ERBB4: variants seen among roughly 807,000 people sequenced by gnomAD.
ERBB4 encodes the protein receptor tyrosine-protein kinase erbB-4.
Under a neutral mutation model 158.0 loss-of-function variants are expected in ERBB4, and 42 were observed. That is an observed-to-expected ratio of 0.27 (90% CI 0.21 to 0.34). The LOEUF is 0.34. ERBB4 is among the 10% of genes least tolerant of loss of function. ERBB4 has a pLI of 1.00. For missense variants in ERBB4, 1,333 were observed against 1,624.1 expected (o/e 0.82, Z 3.08); for synonymous variants, 583 against 558.7 (o/e 1.04, Z -0.61).
At chr2:212,493,569 C>T (rs1358544451) in intron 1 of ERBB4, among the ~76,000 whole-genome samples, 1 of 151,642 alleles carries the variant, frequency 6.6e-6, no homozygotes, top group African/African-American at 2.4e-5. Context: ...ACTTCGCAGA[C>T]ACATAGTTCA....
At chr2:212,116,157 C>T (rs2079564955) in intron 2 of ERBB4, among the ~76,000 whole-genome samples, 1 of 151,428 alleles carries the variant, frequency 6.6e-6, no homozygotes, top group Non-Finnish European at 1.5e-5. Flanking sequence ...AAAGCGGTTG[C>T]TAATTTACAT....
At chr2:212,255,562 T>A (rs1313070905) in intron 1 of ERBB4, among the ~76,000 whole-genome samples, 1 of 152,180 alleles carries the variant, frequency 6.6e-6, no homozygotes, top group Non-Finnish European at 1.5e-5. Context: ...TGCTTGGGGC[T>A]GGAAGTACTT....
intron 1 of ERBB4, among the ~76,000 whole-genome samples, chr2:212,319,882 A>G (rs1574671914): frequency 6.7e-6 from 1 of 150,324 alleles, no homozygotes; most frequent in East Asian, 2.0e-4. Context: ...TATCAAGATA[A>G]CTTCATGTCG....
chr2:211,386,758 C>G, intron 27 of ERBB4, 95 bp downstream of exon 27: 1 of 1,224,218 alleles, frequency 8.2e-7, no homozygotes, highest in South Asian at 1.2e-5. Context: ...AAATGTTGTG[C>G]TGGTCAGCTA....
At chr2:212,451,864 T>G (rs1361691653) in intron 1 of ERBB4, among the ~76,000 whole-genome samples, 1 of 152,174 alleles carries the variant, frequency 6.6e-6, no homozygotes, top group Non-Finnish European at 1.5e-5. Flanking sequence ...TATTCATATC[T>G]ACAAAGCCAG....
chr2:212,378,892 G>T lies in ERBB4; in HGVS notation c.82+159557C>A, dbSNP rs143778220. On this transcript the variant is annotated intron_variant, in intron 1 of 27. Transcript: ENST00000342788. ...TACTAATAAACTATTTAAAACTGAT[G>T]ATTTTAGTTCCATTAAAATGCAGAA... Among the ~76,000 whole-genome samples the T allele has an allele frequency of 1.8e-3, 269 of 151,794 alleles. 2 individuals are homozygous for T. Among genetic ancestry groups the T allele is most frequent in the African/African-American group, 6.1e-3 (253 of 41,476 alleles).
intron 1 of ERBB4, among the ~76,000 whole-genome samples, chr2:212,386,109 T>C (rs534063781): frequency 8.6e-4 from 130 of 151,940 alleles, no homozygotes; most frequent in African/African-American, 3.1e-3. Flanking sequence ...TCTGTCATCC[T>C]TTACCACTTG....
chr2:212,435,866 T>C (rs530167427), intron 1 of ERBB4, among the ~76,000 whole-genome samples: 64 of 151,990 alleles, frequency 4.2e-4, no homozygotes, highest in Non-Finnish European at 8.0e-4. Flanking sequence ...ACTATGTAAA[T>C]TGACTTAGCA....
At chr2:211,516,159 G>A (rs1034925646) in intron 20 of ERBB4, among the ~76,000 whole-genome samples, 5 of 150,758 alleles carry the variant, frequency 3.3e-5, no homozygotes, top group Non-Finnish European at 5.9e-5. Flanking sequence ...CTCGTGATCC[G>A]CCCGCCTCGG....
At chr2:211,919,573 T>C (rs2079801558) in intron 3 of ERBB4, among the ~76,000 whole-genome samples, 1 of 152,040 alleles carries the variant, frequency 6.6e-6, no homozygotes, top group Non-Finnish European at 1.5e-5. Context: ...CATCAGGTCT[T>C]ATGGTATTTA....
At chr2:212,279,223 T>C (rs2085661115) in intron 1 of ERBB4, among the ~76,000 whole-genome samples, 1 of 151,522 alleles carries the variant, frequency 6.6e-6, no homozygotes, top group African/African-American at 2.4e-5. Context: ...CTAGAACTTT[T>C]GCAGAATAAA....
rs187119332 is a variant in ERBB4 at position 212,241,350 on chromosome 2, A to G, written c.83-116447T>C. Among the ~76,000 whole-genome samples, 7 of 152,324 alleles carry G rather than the reference A, an allele frequency of 4.6e-5. No homozygotes were observed. The East Asian group carries it at 1.3e-3, about 29-fold the overall frequency. On this transcript the variant is annotated intron_variant, in intron 1 of 27. Coordinates refer to ENST00000342788, the MANE Select transcript of ERBB4 (RefSeq NM_005235.3). ...GGAAATGGATTCAAATCTTTATACT[A>G]CATCTTTATATAACATCTATATATA... is the stretch of plus-strand genomic sequence containing the variant.
chr2:211,431,557 G>A (rs927487279), intron 20 of ERBB4, among the ~76,000 whole-genome samples: 15 of 152,162 alleles, frequency 9.9e-5, no homozygotes, highest in Non-Finnish European at 1.5e-4. Flanking sequence ...TTCATTTGAA[G>A]TTTAATGGTG....
chr2:211,501,458 TC>T (rs2065613552), intron 20 of ERBB4, among the ~76,000 whole-genome samples: 1 of 151,290 alleles, frequency 6.6e-6, no homozygotes, highest in African/African-American at 2.4e-5. Flanking sequence ...ATCACATGTA[TC>T]CCATAAATAT....
rs112878594 is a variant in ERBB4, at chr2:211,840,751, C to A, written c.422-52592G>T. On this transcript the variant is annotated intron_variant, in intron 3 of 27. Transcript: ENST00000342788. ...AATTCAAAAATATATGGATTTATGT[C>A]CAATATCATTAATGATAAACCTTGA... Among the ~76,000 whole-genome samples, 48 of 152,092 alleles carry A rather than the reference C, an allele frequency of 3.2e-4. 1 individual carries two copies. Among genetic ancestry groups the A allele is most frequent in the African/African-American group, 1.1e-3 (44 of 41,486 alleles).
At chr2:211,637,015 T>C (rs2070387855) in intron 16 of ERBB4, among the ~76,000 whole-genome samples, 1 of 152,018 alleles carries the variant, frequency 6.6e-6, no homozygotes, top group Non-Finnish European at 1.5e-5. Flanking sequence ...AATGTATATG[T>C]AACTTAAATG....
chr2:211,737,205 C>A (rs1397959401), intron 5 of ERBB4, among the ~76,000 whole-genome samples: 2 of 152,106 alleles, frequency 1.3e-5, no homozygotes, highest in African/African-American at 2.4e-5. Flanking sequence ...TGGTTCCACA[C>A]TAGTATGAGA....
chr2:212,392,623 G>A (rs889701521), intron 1 of ERBB4, among the ~76,000 whole-genome samples: 1 of 152,002 alleles, frequency 6.6e-6, no homozygotes, highest in East Asian at 1.9e-4. Flanking sequence ...AATGTCATTC[G>A]ATATTAAGCT....
intron 4 of ERBB4, chr2:211,779,689 C>T (rs925448726): frequency 6.6e-6 from 1 of 152,158 alleles, no homozygotes; most frequent in Non-Finnish European, 1.5e-5. Flanking sequence ...AATTGAACAA[C>T]CATCTGCTAA....
Sources: gnomAD v4.1 joint callset for allele counts (sites outside exome capture counted in the v4.1 genomes callset) on GRCh38, gnomAD v4.1.1 for gene constraint, MANE v1.5 for transcripts, NCBI Gene and HGNC (gene_info 2026-07-23, HGNC 2026-07-21) for gene names.